Variants in PRKCB observed in about 807,000 individuals in gnomAD.
The protein encoded by PRKCB is protein kinase C beta, also known as protein kinase C beta type.
PRKCB carries 13 observed loss-of-function variants against 81.5 expected under a neutral mutation model. The observed-to-expected ratio is 0.16, with a 90% CI of 0.10 to 0.25. The LOEUF is 0.25. Among genes scored for constraint, PRKCB ranks in the 10% least tolerant of loss-of-function variants. The pLI is 1.00. For missense variants in PRKCB, 509 were observed against 875.7 expected (o/e 0.58, Z 5.29); for synonymous variants, 335 against 321.4 (o/e 1.04, Z -0.45).
intron 5 of PRKCB, among the ~76,000 whole-genome samples, chr16:24,045,571 C>T (rs939270088): frequency 1.3e-5 from 2 of 152,192 alleles, no homozygotes; most frequent in Non-Finnish European, 1.5e-5. Flanking sequence ...TCCTGTTTCC[C>T]ATGGGCTGTG....
Position 24,219,140 on chromosome 16 carries a change from C to A in PRKCB, c.*4324C>A. On this transcript the variant is annotated 3_prime_UTR_variant, in exon 17 of 17. Transcript: ENST00000643927. ...TTCTGATGTTCCCTGGTGAGACTTG[C>A]CCCAAGCAATTGCTAGTAAATGGGG... is the stretch of plus-strand genomic sequence containing the variant. 1 of 985,406 alleles carries A rather than the reference C, an allele frequency of 1.0e-6. No individual in the cohort carries two copies. Among genetic ancestry groups the A allele is most frequent in the Non-Finnish European group, 1.2e-6 (1 of 829,964 alleles). The allele number at this position is 985,406 out of a possible 1,614,324, so 61.0% of individuals were successfully genotyped here.
At chr16:23,979,829 C>G (rs1036758088) in intron 2 of PRKCB, among the ~76,000 whole-genome samples, 7 of 152,308 alleles carry the variant, frequency 4.6e-5, no homozygotes, top group African/African-American at 4.8e-5. Flanking sequence ...ATCAGTGTCC[C>G]TGTTAATATA....
At chr16:24,091,672 A>G (rs1347018585) in intron 5 of PRKCB, among the ~76,000 whole-genome samples, 1 of 151,780 alleles carries the variant, frequency 6.6e-6, no homozygotes, top group East Asian at 1.9e-4. Context: ...GTGCAGTGGC[A>G]TGATCTTGGC....
chr16:24,060,655 C>T (rs1965960484), intron 5 of PRKCB, among the ~76,000 whole-genome samples: 4 of 152,162 alleles, frequency 2.6e-5, no homozygotes, highest in African/African-American at 7.2e-5. Context: ...AGGTTATGCC[C>T]TCTTCCAGGG....
intron 2 of PRKCB, among the ~76,000 whole-genome samples, chr16:23,874,544 C>T (rs1165041593): frequency 6.7e-6 from 1 of 149,070 alleles, no homozygotes; most frequent in Non-Finnish European, 1.5e-5. Flanking sequence ...CCCACACAGG[C>T]CTAGCATCAC....
intron 15 of PRKCB, among the ~76,000 whole-genome samples, chr16:24,187,539 T>C (rs1253400822): frequency 6.6e-6 from 1 of 152,232 alleles, no homozygotes; most frequent in Non-Finnish European, 1.5e-5. Context: ...TCTGCCAGGT[T>C]CCTCTTGGCA....
intron 16 of PRKCB, among the ~76,000 whole-genome samples, 195 bp from the exon 17 acceptor site, chr16:24,214,463 G>A (rs533073468): frequency 6.6e-5 from 10 of 152,200 alleles, no homozygotes; most frequent in South Asian, 2.1e-4. Flanking sequence ...ACCCAAGGTC[G>A]TGCACCAAAG....
intron 12 of PRKCB, among the ~76,000 whole-genome samples, chr16:24,178,615 G>A (rs1471872501): frequency 6.6e-6 from 1 of 152,200 alleles, no homozygotes; most frequent in African/African-American, 2.4e-5. Context: ...GCAAAGCCTG[G>A]GTTTTCTGAG....
intron 13 of PRKCB, among the ~76,000 whole-genome samples, chr16:24,182,873 T>TTGTGTG (rs10524225): frequency 1.5e-4 from 20 of 133,606 alleles, no homozygotes; most frequent in South Asian, 5.6e-4. Context: ...ACATTGTTTC[T>TTGTGTG]TGTGTGTGTG....
chr16:24,084,299 A>T (rs1375229760), intron 5 of PRKCB, among the ~76,000 whole-genome samples: 2 of 152,168 alleles, frequency 1.3e-5, no homozygotes, highest in African/African-American at 2.4e-5. Context: ...AGACAAATAT[A>T]TAATATACTA....
rs1043902035 is a variant in PRKCB, at chr16:24,051,537, T to G, written c.529+15990T>G. 3.4e-4 allele frequency among the ~76,000 whole-genome samples: 51 copies of G among 152,024 alleles called. 1 individual carries two copies. The highest frequency in any genetic ancestry group is 1.0e-4 in the Non-Finnish European group (7 of 67,998). On this transcript the variant is annotated intron_variant, in intron 5 of 16. Transcript: ENST00000643927. ...ATGGGCTAGCCCTGGGACAGACAGT[T>G]TCTCCAGGGTCAGCAAGGCTCCGAG...
At chr16:24,062,071 A>C (rs1177722003) in intron 5 of PRKCB, among the ~76,000 whole-genome samples, 1 of 152,216 alleles carries the variant, frequency 6.6e-6, no homozygotes, top group African/African-American at 2.4e-5. Flanking sequence ...TGTTGTTATT[A>C]GCAAGATACG....
At chr16:24,002,322 TGC>T (rs1009788614) in intron 3 of PRKCB, among the ~76,000 whole-genome samples, 27 of 124,492 alleles carry the variant, frequency 2.2e-4, no homozygotes, top group Admixed American at 2.1e-3. Context: ...TATGTGTGTG[TGC>T]GTGCGTGTGT....
At chr16:23,868,030 T>G (rs1055003450) in intron 2 of PRKCB, among the ~76,000 whole-genome samples, 6 of 152,114 alleles carry the variant, frequency 3.9e-5, no homozygotes, top group African/African-American at 1.2e-4. Flanking sequence ...GATGTAGATC[T>G]TCCCCTACGG....
intron 5 of PRKCB, among the ~76,000 whole-genome samples, chr16:24,069,149 G>C (rs1365707884): frequency 2.0e-5 from 3 of 152,070 alleles, no homozygotes; most frequent in African/African-American, 7.2e-5. Context: ...GATCTGCCAG[G>C]ATCTCTGGGT....
At position 24,219,655 on chromosome 16, in the gene PRKCB, A is replaced by ACACACAC. The variant is rs879197262; in HGVS notation, c.*4839_*4840insCACACAC. The stretch of plus-strand genomic sequence containing the variant: ...ATCCTAAAGCCAAAGAAAATACAGC[A>ACACACAC]ACACACACACACACACACACACACA... On this transcript the variant is annotated 3_prime_UTR_variant, in exon 17 of 17. Transcript: ENST00000643927. 1 of 573,242 alleles carries ACACACAC rather than the reference A, an allele frequency of 1.7e-6. No individual in the cohort carries two copies. The highest frequency in any genetic ancestry group is 2.1e-6 in the Non-Finnish European group (1 of 472,382). The allele number at this position is 573,242 out of a possible 1,614,324, so 35.5% of individuals were successfully genotyped here.
intron 2 of PRKCB, among the ~76,000 whole-genome samples, chr16:23,838,888 G>C (rs1035040493): frequency 6.6e-6 from 1 of 152,196 alleles, no homozygotes; most frequent in African/African-American, 2.4e-5. Flanking sequence ...GTCTCTTTAA[G>C]TGGCAACAAC....
intron 2 of PRKCB, among the ~76,000 whole-genome samples, chr16:23,911,126 T>C (rs567893302): frequency 2.4e-5 from 3 of 126,478 alleles, no homozygotes; most frequent in South Asian, 2.7e-4. Flanking sequence ...AACGTATATA[T>C]GCTTTTTTTT....
chr16:23,874,234 A>G (rs1455066141), intron 2 of PRKCB, among the ~76,000 whole-genome samples: 2 of 152,246 alleles, frequency 1.3e-5, no homozygotes, highest in Non-Finnish European at 2.9e-5. Context: ...TGGATGAGCT[A>G]AAAGTTCTTT....
Sources: allele counts gnomAD v4.1 joint callset (sites outside exome capture counted in the v4.1 genomes callset), GRCh38; gene constraint gnomAD v4.1.1; transcripts MANE v1.5; gene names NCBI Gene and HGNC (gene_info 2026-07-23, HGNC 2026-07-21).